Variants in ITCH observed in about 807,000 individuals in gnomAD.
ITCH encodes the protein itchy E3 ubiquitin protein ligase, also known as E3 ubiquitin-protein ligase Itchy homolog.
Under a neutral mutation model 126.8 loss-of-function variants are expected in ITCH, and 28 were observed. The observed-to-expected ratio is 0.22, with a 90% confidence interval of 0.16 to 0.30. The LOEUF (loss-of-function observed/expected upper bound fraction) is 0.30. Among genes scored for constraint, ITCH ranks in the 10% least tolerant of loss-of-function variants. ITCH has a pLI of 1.00. For missense variants in ITCH, 631 were observed against 1,032.4 expected (o/e 0.61, Z 5.33); for synonymous variants, 342 against 340.0 (o/e 1.01, Z -0.06).
chr20:34,454,092 T>C (rs1443308861), intron 12 of ITCH, among the ~76,000 whole-genome samples: 1 of 152,126 alleles, frequency 6.6e-6, no homozygotes, highest in Non-Finnish European at 1.5e-5. Flanking sequence ...CTTATCTTGC[T>C]GTTATGTTAA....
intron 1 of ITCH, among the ~76,000 whole-genome samples, chr20:34,365,876 A>C (rs181053024): frequency 2.0e-5 from 3 of 152,316 alleles, no homozygotes; most frequent in Admixed American, 1.3e-4. Context: ...TTTTTAACAC[A>C]TGCCTTAGGT....
At chr20:34,371,279 CTT>C (rs770951963) in intron 2 of ITCH, among the ~76,000 whole-genome samples, 5 of 118,472 alleles carry the variant, frequency 4.2e-5, no homozygotes, top group Admixed American at 9.1e-5. Context: ...ATCACTTCTT[CTT>C]TTTTTTTTTT....
rs535016821 is a variant in ITCH, at chr20:34,374,041, C to T, written c.-22+4571C>T. Among the ~76,000 whole-genome samples the T allele has an allele frequency of 3.5e-4, 53 of 152,130 alleles. No individual in the cohort carries two copies. In the South Asian group the frequency reaches 9.1e-3, roughly 26 times the overall value. ...CTGGGACTACAGGTGCCCACCACCA[C>T]GCCTGGCTAATTTTTTGTATTTTAG... On this transcript the variant is annotated intron_variant, in intron 2 of 24. Coordinates refer to ENST00000374864, the MANE Select transcript of ITCH (RefSeq NM_031483.7).
chr20:34,427,856 G>C (rs564376212), intron 7 of ITCH, among the ~76,000 whole-genome samples: 8 of 152,298 alleles, frequency 5.3e-5, no homozygotes, highest in Non-Finnish European at 8.8e-5. Flanking sequence ...TGTTATGCCA[G>C]TGTGTTGTTG....
intron 3 of ITCH, among the ~76,000 whole-genome samples, chr20:34,404,518 G>C (rs8125522): frequency 0.55 from 82,375 of 149,772 alleles, 23,057 homozygotes; most frequent in Admixed American, 0.64. Flanking sequence ...CTCCCGGGTT[G>C]CAGTGATTCT....
chr20:34,393,784 T>C lies in ITCH; in HGVS notation c.-21-7T>C, dbSNP rs2038569818. ...GATGTTTACAGTGTCTCCTTTGCCA[T>C]GTTCAGGTTTTCCAACCTATTGGTG... On this transcript the variant is annotated splice_region_variant and splice_polypyrimidine_tract_variant and intron_variant, in intron 2 of 24. Transcript: ENST00000374864. 2 of 1,546,964 alleles carry C rather than the reference T, an allele frequency of 1.3e-6. No homozygotes were observed. The highest frequency in any genetic ancestry group is 1.8e-6 in the Non-Finnish European group (2 of 1,118,750).
Position 34,489,881 on chromosome 20 carries a change from C to T in ITCH, c.2274C>T (p.Tyr758=), listed in dbSNP as rs1247498448. The change falls in exon 22 of 25, where the codon TAC becomes TAT. Residue 758 remains tyrosine (Y), a synonymous_variant. Coordinates refer to ENST00000374864, the MANE Select transcript of ITCH (RefSeq NM_031483.7). ...DLNDWQRHAI[Y]RHYARTSKQI... is the part of the protein sequence containing the mutation. ...ATGACTGGCAAAGACATGCCATCTA[C>T]CGTCATTATGCAAGGACCAGCAAAC... 3 of 1,613,856 alleles carry T rather than the reference C, an allele frequency of 1.9e-6. No homozygotes were observed. Among genetic ancestry groups the T allele is most frequent in the East Asian group, 4.5e-5 (2 of 44,870 alleles).
At chr20:34,393,986 CT>C (rs2038579232) in intron 3 of ITCH, 105 bp downstream of exon 3, 1 of 1,069,236 alleles carries the variant, frequency 9.4e-7, no homozygotes, top group Middle Eastern at 2.2e-4. Context: ...AATCCCAGCA[CT>C]TTGGGAGGCT....
intron 2 of ITCH, among the ~76,000 whole-genome samples, chr20:34,382,540 G>A (rs1167960363): frequency 6.6e-6 from 1 of 151,652 alleles, no homozygotes; most frequent in Non-Finnish European, 1.5e-5. Context: ...CAAGTGGCTG[G>A]AATTACAGGC....
intron 2 of ITCH, among the ~76,000 whole-genome samples, chr20:34,371,777 C>T (rs2037640493): frequency 6.6e-6 from 1 of 152,198 alleles, no homozygotes; most frequent in South Asian, 2.1e-4. Context: ...AGCCAACATT[C>T]AGGAAACCTG....
intron 16 of ITCH, among the ~76,000 whole-genome samples, chr20:34,475,100 C>T (rs533345165): frequency 1.3e-5 from 2 of 151,214 alleles, no homozygotes; most frequent in East Asian, 2.0e-4. Context: ...GATGTGATGG[C>T]GGCCGGGAAG....
rs748648797 is a variant in ITCH at position 34,510,609 on chromosome 20, A to G, written c.*2815A>G. 6.6e-6 allele frequency: 1 copy of G among 152,010 alleles called. No homozygotes were observed. The allele number at this position is 152,010 out of a possible 1,614,324, so 9.4% of individuals were successfully genotyped here. ...GGGAAGGACCTCACTTGTTTCATCA[A>G]ATGGAGTGGTTTAAAACTGATCAAG... On this transcript the variant is annotated 3_prime_UTR_variant, in exon 25 of 25. Transcript: ENST00000374864.
chr20:34,476,185 T>C, intron 16 of ITCH: 2 of 802,050 alleles, frequency 2.5e-6, no homozygotes, highest in Non-Finnish European at 4.6e-6. Context: ...AATATCTGGA[T>C]TATTTTCAAC....
rs571133178 is a variant in ITCH at position 34,502,438 on chromosome 20, C to T, written c.2417-1893C>T. Among the ~76,000 whole-genome samples, 7 of 152,078 alleles carry T rather than the reference C, an allele frequency of 4.6e-5. No homozygotes were observed. The South Asian group carries it at 1.5e-3, about 32-fold the overall frequency. On this transcript the variant is annotated intron_variant, in intron 23 of 24. Transcript: ENST00000374864. ...ATAAAAAATGAAATGTGACCAGGTACAGTGACTCACACCTGTAATCCCAGC... is the reference window on the plus strand; with the variant it reads ...ATAAAAAATGAAATGTGACCAGGTATAGTGACTCACACCTGTAATCCCAGC...
intron 23 of ITCH, among the ~76,000 whole-genome samples, chr20:34,503,678 G>A (rs961586798): frequency 4.6e-5 from 7 of 151,714 alleles, no homozygotes; most frequent in East Asian, 1.9e-4. Context: ...GTGTTATTCC[G>A]GCTAAAGAAT....
At chr20:34,403,340 G>A (rs994183592) in intron 3 of ITCH, among the ~76,000 whole-genome samples, 1 of 152,158 alleles carries the variant, frequency 6.6e-6, no homozygotes, top group South Asian at 2.1e-4. Flanking sequence ...CTTCAGAACA[G>A]AAGGATCAGA....
At chr20:34,487,012 G>GTTTTTTT (rs34815799) in intron 20 of ITCH, among the ~76,000 whole-genome samples, 1 of 107,820 alleles carries the variant, frequency 9.3e-6, no homozygotes, top group Admixed American at 1.1e-4. Flanking sequence ...TATTTGTTAG[G>GTTTTTTT]TTTTTTTTTT....
intron 16 of ITCH, among the ~76,000 whole-genome samples, chr20:34,472,542 G>A (rs1046708924): frequency 1.3e-5 from 2 of 152,142 alleles, no homozygotes; most frequent in African/African-American, 4.8e-5. Flanking sequence ...GTTAGTCCTT[G>A]TTTTATAGCC....
chr20:34,430,050 T>C (rs981907452), intron 7 of ITCH, among the ~76,000 whole-genome samples: 1 of 152,184 alleles, frequency 6.6e-6, no homozygotes, highest in Non-Finnish European at 1.5e-5. Context: ...GAAATGGCAT[T>C]TGGTGATTAG....
Sources: allele counts gnomAD v4.1 joint callset (sites outside exome capture counted in the v4.1 genomes callset), GRCh38; gene constraint gnomAD v4.1.1; transcripts MANE v1.5; gene names NCBI Gene and HGNC (gene_info 2026-07-23, HGNC 2026-07-21).